The following CCDC39 variants were observed in gnomAD, a reference collection of about 807,000 sequenced individuals.
CCDC39 encodes coiled-coil domain 39 molecular ruler complex subunit.
Under a neutral mutation model 121.0 loss-of-function variants are expected in CCDC39, and 113 were observed. The observed-to-expected ratio is 0.93, with a 90% CI of 0.80 to 1.09. The LOEUF (loss-of-function observed/expected upper bound fraction) is 1.09. Ranked by LOEUF, CCDC39 falls within the 50% of genes least tolerant of loss-of-function variation. The pLI is 0.00. For synonymous variants in CCDC39, 349 were observed against 352.2 expected, an observed-to-expected ratio of 0.99 and a Z score of 0.10; for missense variants, 1,063 against 1,074.7, an observed-to-expected ratio of 0.99 and a Z score of 0.15.
chr3:180,677,171 TATATATATATATA>T (rs1712251524), intron 1 of CCDC39, among the ~76,000 whole-genome samples: 2 of 29,806 alleles, frequency 6.7e-5, no homozygotes, highest in Admixed American at 3.0e-4. Context: ...AATAATTTTA[TATATATATATATA>T]TATATATATA....
chr3:180,651,898 C>T (rs1038684126), intron 8 of CCDC39, among the ~76,000 whole-genome samples: 1 of 151,936 alleles, frequency 6.6e-6, no homozygotes, highest in Non-Finnish European at 1.5e-5. Context: ...TTAGCTGGGC[C>T]TGCTGGCGGG....
intron 11 of CCDC39, 106 bp downstream of exon 11, chr3:180,646,973 T>C: frequency 2.2e-6 from 2 of 898,702 alleles, no homozygotes; most frequent in Non-Finnish European, 3.5e-6. Context: ...GTTATATATG[T>C]GTGTAGAGTG....
chr3:180,646,114 A>G (rs920473226), intron 11 of CCDC39, among the ~76,000 whole-genome samples: 1 of 152,126 alleles, frequency 6.6e-6, no homozygotes, highest in African/African-American at 2.4e-5. Flanking sequence ...CGAGTAAACT[A>G]GAGCTCAGAA....
At chr3:180,667,160 A>G (rs1018580640) in intron 1 of CCDC39, among the ~76,000 whole-genome samples, 1 of 152,218 alleles carries the variant, frequency 6.6e-6, no homozygotes, top group Non-Finnish European at 1.5e-5. Flanking sequence ...ATTATTTTCA[A>G]CTTAGAGTCT....
intron 18 of CCDC39, 47 bp from the exon 19 acceptor site, chr3:180,616,410 T>C: frequency 6.5e-7 from 1 of 1,538,664 alleles, no homozygotes; most frequent in Non-Finnish European, 8.8e-7. Flanking sequence ...TACTGTTTTT[T>C]AGAAGATAAA....
At chr3:180,665,367 C>T (rs1007553095) in intron 1 of CCDC39, among the ~76,000 whole-genome samples, 1 of 152,104 alleles carries the variant, frequency 6.6e-6, no homozygotes, top group African/African-American at 2.4e-5. Context: ...TAAAAATATG[C>T]TTTCTTGAGG....
In CCDC39 at chr3:180,615,084, G is replaced by GA; in HGVS notation, c.2670-8dup. On this transcript the variant is annotated splice_polypyrimidine_tract_variant and splice_region_variant and intron_variant, in intron 19 of 19. Coordinates refer to ENST00000476379, the MANE Select transcript of CCDC39 (RefSeq NM_181426.2). ...ACTTGTACTCCTAGATGACCTAGAA[G>GA]AAAAACCAGAATTATAAATTCAATG... 6.6e-7 allele frequency: 1 copy of GA among 1,512,918 alleles called. No individual in the cohort carries two copies. Among genetic ancestry groups the GA allele is most frequent in the East Asian group, 2.4e-5 (1 of 40,842 alleles). The allele number at this position is 1,512,918 out of a possible 1,614,324, so 93.7% of individuals were successfully genotyped here.
Position 180,659,515 on chromosome 3 carries a change from T to G in CCDC39, c.675A>C (p.Lys225Asn), listed in dbSNP as rs1560092038. The G allele has an allele frequency of 6.2e-7, 1 of 1,613,568 alleles. No individual in the cohort carries two copies. The highest frequency in any genetic ancestry group is 1.1e-5 in the South Asian group (1 of 91,062). Residue 225 changes from lysine (K) to asparagine (N), a missense_variant, in exon 6 of 20, where the codon AAA becomes AAC. By Grantham distance (94) the Lys-to-Asn change is moderately conservative. Coordinates refer to ENST00000476379, the MANE Select transcript of CCDC39 (RefSeq NM_181426.2). ...KIHNERQELI[K>N]QWENTIEQMQ... ...TCTGTTCTATTGTGTTCTCCCATTG[T>G]TTAATGAGTTCTTGTCTTTCATTAT...
chr3:180,644,217 C>T lies in CCDC39; in HGVS notation c.1568G>A (p.Ser523Asn), dbSNP rs1418008218. The stretch of plus-strand genomic sequence containing the variant: ...GGTCATAAGGGACTGTTTTTCATCA[C>T]TGTTTTTACTATGTGCCTTCTTGAT... The part of the protein sequence containing the change: ...YFIKKAHSKN[S>N]DEKQSLMTKI... Residue 523 changes from serine to asparagine, a missense_variant, in exon 12 of 20, where the codon AGT becomes AAT. Physicochemically the swap from Ser to Asn is conservative, Grantham distance 46. Coordinates refer to ENST00000476379, the MANE Select transcript of CCDC39 (RefSeq NM_181426.2). 3 of 1,538,114 alleles carry T rather than the reference C, an allele frequency of 2.0e-6. No homozygotes were observed. Among genetic ancestry groups the T allele is most frequent in the African/African-American group, 2.8e-5 (2 of 72,548 alleles).
intron 1 of CCDC39, among the ~76,000 whole-genome samples, chr3:180,671,265 C>T (rs888518647): frequency 1.3e-5 from 2 of 149,738 alleles, no homozygotes; most frequent in African/African-American, 4.9e-5. Flanking sequence ...ACAACCCAAT[C>T]ACCTGGAAGT....
intron 3 of CCDC39, 136 bp downstream of exon 3, chr3:180,661,725 G>A (rs1010758667): frequency 4.2e-6 from 3 of 709,442 alleles, no homozygotes; most frequent in Admixed American, 3.0e-5. Context: ...GCCTTTCACT[G>A]TCCAAAAAAT....
chr3:180,669,721 G>C (rs1711979815), intron 1 of CCDC39, among the ~76,000 whole-genome samples: 1 of 152,050 alleles, frequency 6.6e-6, no homozygotes, highest in Non-Finnish European at 1.5e-5. Flanking sequence ...AAGTCTCATA[G>C]GGAAAATGTC....
chr3:180,663,732 T>C (rs1360420286), intron 2 of CCDC39, 135 bp downstream of exon 2: 1 of 844,432 alleles, frequency 1.2e-6, no homozygotes, highest in Admixed American at 3.2e-5. Flanking sequence ...TCTACTTTCA[T>C]GTTCAAGGTT....
At chr3:180,664,789 G>A (rs542175034) in intron 1 of CCDC39, among the ~76,000 whole-genome samples, 2 of 150,670 alleles carry the variant, frequency 1.3e-5, no homozygotes, top group Admixed American at 1.3e-4. Context: ...TCTGCCTCCC[G>A]AGTTCAACGA....
intron 14 of CCDC39, among the ~76,000 whole-genome samples, chr3:180,620,795 G>A (rs1471265307): frequency 6.6e-6 from 1 of 151,828 alleles, no homozygotes; most frequent in Admixed American, 6.6e-5. Flanking sequence ...AAAAATTTAT[G>A]GAGTACAAGT....
Position 180,614,858 on chromosome 3 carries a change from T to G in CCDC39, c.*63A>C. 7.4e-5 allele frequency: 106 copies of G among 1,424,874 alleles called. No individual in the cohort carries two copies. The highest frequency in any genetic ancestry group is 8.6e-5 in the African/African-American group (6 of 69,444). The allele number at this position is 1,424,874 out of a possible 1,614,324, so 88.3% of individuals were successfully genotyped here. Reference sequence around the variant, plus strand: ...CACTAGATAAAATGTGTTGGGTCGTTTTGTATTTTAAAGTATATTTTTGTT... The same window carrying G: ...CACTAGATAAAATGTGTTGGGTCGTGTTGTATTTTAAAGTATATTTTTGTT... On this transcript the variant is annotated 3_prime_UTR_variant, in exon 20 of 20. Coordinates refer to ENST00000476379, the MANE Select transcript of CCDC39 (RefSeq NM_181426.2).
chr3:180,645,774 T>G (rs1336158789), intron 11 of CCDC39, among the ~76,000 whole-genome samples: 3 of 152,136 alleles, frequency 2.0e-5, no homozygotes, highest in African/African-American at 7.2e-5. Flanking sequence ...TATAATTTGT[T>G]AATTCACTTA....
At chr3:180,652,369 C>T (rs1711503472) in intron 7 of CCDC39, 103 bp from the exon 8 acceptor site, 1 of 606,998 alleles carries the variant, frequency 1.6e-6, no homozygotes, top group East Asian at 3.4e-5. Context: ...TAACCTACAT[C>T]ACACCCACAA....
chr3:180,619,810 C>T lies in CCDC39; in HGVS notation c.2158+1G>A. The T allele has an allele frequency of 1.3e-6, 2 of 1,576,596 alleles. No individual in the cohort carries two copies. Among genetic ancestry groups the T allele is most frequent in the Non-Finnish European group, 8.6e-7 (1 of 1,157,970 alleles). Reference sequence around the variant, plus strand: ...ATAAAAAAAAGTTAACTCCTACATACTAGATGGAGTCACTTTTTTAAAAGA... The same window carrying T: ...ATAAAAAAAAGTTAACTCCTACATATTAGATGGAGTCACTTTTTTAAAAGA... On this transcript the variant is annotated splice_donor_variant, in intron 15 of 19. Coordinates refer to ENST00000476379, the MANE Select transcript of CCDC39 (RefSeq NM_181426.2). LOFTEE classifies it high-confidence loss of function.
Sources: gnomAD v4.1 joint callset for allele counts (sites outside exome capture counted in the v4.1 genomes callset) on GRCh38, gnomAD v4.1.1 for gene constraint, MANE v1.5 for transcripts, NCBI Gene and HGNC (gene_info 2026-07-23, HGNC 2026-07-21) for gene names.